The following RAB3IL1 variants were observed in gnomAD, a reference collection of about 807,000 sequenced individuals.
RAB3IL1 encodes RAB3A interacting protein like 1.
In RAB3IL1, 37 loss-of-function variants were observed where a neutral mutation model predicts 49.2. The ratio of observed to expected loss-of-function variants is 0.75; its 90% CI spans 0.58 to 0.99. The LOEUF is 0.99. RAB3IL1 is among the 50% of genes least tolerant of loss of function. The pLI, the probability that RAB3IL1 is intolerant of heterozygous loss-of-function variation, is 0.00. For synonymous variants in RAB3IL1, 193 were observed against 213.9 expected (o/e 0.90, Z 0.85); for missense variants, 484 against 513.0 (o/e 0.94, Z 0.55).
chr11:61,932,572 A>G, the RAB3IL1 span, among the ~76,000 whole-genome samples: 1 of 152,190 alleles, frequency 6.6e-6, no homozygotes, highest in African/African-American at 2.4e-5. Context: ...TGAGCAAAAC[A>G]AGGCCCTGCC....
intron 7 of RAB3IL1, 97 bp downstream of exon 7, chr11:61,904,449 G>T: frequency 8.3e-7 from 1 of 1,204,642 alleles, no homozygotes; most frequent in Non-Finnish European, 1.2e-6. Context: ...CTGTCCTGTC[G>T]GCGCTGCTGC....
chr11:61,922,080 G>A (rs1322129727), upstream of RAB3IL1, among the ~76,000 whole-genome samples: 1 of 151,954 alleles, frequency 6.6e-6, no homozygotes, highest in Non-Finnish European at 1.5e-5. Flanking sequence ...GTGGTGGCGG[G>A]CGCCTGTAGT....
At chr11:61,943,019 C>T in the RAB3IL1 span, among the ~76,000 whole-genome samples, 1 of 152,206 alleles carries the variant, frequency 6.6e-6, no homozygotes, top group East Asian at 1.9e-4. Context: ...CTAAAATTCA[C>T]ATGGAATTGC....
At chr11:61,924,696 G>T (rs1939967709), upstream of RAB3IL1, among the ~76,000 whole-genome samples, 1 of 152,184 alleles carries the variant, frequency 6.6e-6, no homozygotes, top group African/African-American at 2.4e-5. Flanking sequence ...GGTGCTGATG[G>T]TGAGGGCCGG....
At chr11:61,924,601 A>G (rs1939966197), upstream of RAB3IL1, among the ~76,000 whole-genome samples, 1 of 152,070 alleles carries the variant, frequency 6.6e-6, no homozygotes, top group African/African-American at 2.4e-5. Flanking sequence ...ACACAAATAT[A>G]TGGAAGCTAG....
At chr11:61,945,147 C>T in the RAB3IL1 span, among the ~76,000 whole-genome samples, 1 of 152,174 alleles carries the variant, frequency 6.6e-6, no homozygotes, top group Non-Finnish European at 1.5e-5. Context: ...CAGATAGGGG[C>T]CAATGTGGCT....
At chr11:61,923,835 A>G (rs1446369918), upstream of RAB3IL1, among the ~76,000 whole-genome samples, 1 of 152,178 alleles carries the variant, frequency 6.6e-6, no homozygotes, top group Admixed American at 6.5e-5. Flanking sequence ...GATTTCAAGC[A>G]GGAGGGAAAG....
the RAB3IL1 span, among the ~76,000 whole-genome samples, chr11:61,944,599 C>T: frequency 6.6e-6 from 1 of 152,128 alleles, no homozygotes. Flanking sequence ...CCGGGCCCCT[C>T]CCCCGGGACA....
chr11:61,938,248 C>A, the RAB3IL1 span, among the ~76,000 whole-genome samples: 5 of 151,870 alleles, frequency 3.3e-5, no homozygotes, highest in African/African-American at 9.7e-5. Flanking sequence ...AACAAACAAA[C>A]AAAAAAACCT....
At chr11:61,926,375 C>T in the RAB3IL1 span, among the ~76,000 whole-genome samples, 9 of 152,068 alleles carry the variant, frequency 5.9e-5, no homozygotes, top group African/African-American at 2.2e-4. Flanking sequence ...TTATGTGTAG[C>T]GGGGGATTCA....
Position 61,899,306 on chromosome 11 carries a change from G to A in RAB3IL1, c.1066+8C>T. The A allele has an allele frequency of 1.9e-6, 3 of 1,603,832 alleles. No individual in the cohort carries two copies. The highest frequency in any genetic ancestry group is 1.1e-5 in the South Asian group (1 of 90,766). ...CGATCCCTGCACCGGCCACCAGGGG[G>A]CGCTCACCGTCCTGCCGCACCAGGC... On this transcript the variant is annotated splice_region_variant and intron_variant, in intron 9 of 9. Transcript: ENST00000394836.
At chr11:61,941,127 A>G in the RAB3IL1 span, among the ~76,000 whole-genome samples, 2 of 152,080 alleles carry the variant, frequency 1.3e-5, no homozygotes, top group Non-Finnish European at 2.9e-5. Context: ...TTTTAAAAAG[A>G]AAAACTACTA....
rs1278892339 is a variant in RAB3IL1, at chr11:61,897,576, C to G, written c.*702G>C. 1 of 145,628 alleles carries G rather than the reference C, an allele frequency of 6.9e-6. No individual in the cohort carries two copies. Among genetic ancestry groups the G allele is most frequent in the African/African-American group, 2.6e-5 (1 of 39,112 alleles). 9.0% of individuals were successfully genotyped at this position (145,628 alleles called of 1,614,324 possible). A position where few individuals can be genotyped will look rare whatever the true frequency, so the allele number is the denominator to read the frequency against. ...GCAGAAAGTGCCCCAGTCCTTCCAG[C>G]GGTTTTGGGAGCAGGGCCTCCAGGA... On this transcript the variant is annotated 3_prime_UTR_variant, in exon 10 of 10. Transcript: ENST00000394836.
At position 61,900,399 on chromosome 11, in the gene RAB3IL1, G is replaced by A. The variant is rs562883863; in HGVS notation, c.1000-1019C>T. 9.2e-5 allele frequency among the ~76,000 whole-genome samples: 14 copies of A among 152,378 alleles called. No individual in the cohort carries two copies. The East Asian group carries it at 2.7e-3, about 29-fold the overall frequency. On this transcript the variant is annotated intron_variant, in intron 8 of 9. Coordinates refer to ENST00000394836, the MANE Select transcript of RAB3IL1 (RefSeq NM_013401.4). ...TCCTGGGGAGGGACATCAAGTGAGA[G>A]GGGCACCCGCAGGCTGGGGAGTGGA...
chr11:61,944,246 C>CCTTCCTTCCTTCCTTCCTTTCTTT, the RAB3IL1 span, among the ~76,000 whole-genome samples: 1 of 143,540 alleles, frequency 7.0e-6, no homozygotes, highest in Non-Finnish European at 1.5e-5. Flanking sequence ...TTCCTTCCTT[C>CCTTCCTTCCTTCCTTCCTTTCTTT]CTTCCTTCCT....
At chr11:61,908,880 T>A (rs1242737305) in intron 1 of RAB3IL1, among the ~76,000 whole-genome samples, 1 of 152,174 alleles carries the variant, frequency 6.6e-6, no homozygotes, top group Non-Finnish European at 1.5e-5. Context: ...CAGACCCACT[T>A]CCTGTCCCCC....
At chr11:61,918,027 C>G (rs372307214), upstream of RAB3IL1, among the ~76,000 whole-genome samples, 1 of 152,156 alleles carries the variant, frequency 6.6e-6, no homozygotes, top group Non-Finnish European at 1.5e-5. Context: ...AGTTTTATCC[C>G]GAAGGAGTTT....
chr11:61,934,386 G>A, the RAB3IL1 span, among the ~76,000 whole-genome samples: 83 of 138,356 alleles, frequency 6.0e-4, 1 homozygote, highest in Middle Eastern at 0.012. Context: ...TATATTGTGT[G>A]CATATATACA....
intron 5 of RAB3IL1, 83 bp from the exon 6 acceptor site, chr11:61,904,965 G>A (rs553287907): frequency 4.0e-5 from 43 of 1,065,882 alleles, no homozygotes; most frequent in South Asian, 3.0e-4. Context: ...GAAGGGGAGC[G>A]AGGGAGGACG....
Sources: gnomAD v4.1 joint callset for allele counts (sites outside exome capture counted in the v4.1 genomes callset) on GRCh38, gnomAD v4.1.1 for gene constraint, MANE v1.5 for transcripts, NCBI Gene and HGNC (gene_info 2026-07-23, HGNC 2026-07-21) for gene names.